OPA3: variants seen among roughly 807,000 people sequenced by gnomAD.
OPA3 encodes outer mitochondrial membrane lipid metabolism regulator OPA3.
A neutral mutation model predicts 4.0 loss-of-function variants in OPA3; 6 were observed. That is an observed-to-expected ratio of 1.51 (90% CI 0.83 to 2.99). The LOEUF (loss-of-function observed/expected upper bound fraction) is 2.99, where lower values mean the gene tolerates loss of function less well. OPA3 is among the 30% of genes most tolerant of loss of function. OPA3 has a pLI of 0.00. For missense variants in OPA3, 235 were observed against 256.2 expected (o/e 0.92, Z 0.56); for synonymous variants, 105 against 117.1 (o/e 0.90, Z 0.67).
At chr19:45,555,429 A>G (rs1270338156) in intron 1 of OPA3, among the ~76,000 whole-genome samples, 3 of 151,278 alleles carry the variant, frequency 2.0e-5, no homozygotes, top group East Asian at 1.9e-4. Flanking sequence ...TCGACCTTCC[A>G]GGCTCAAATG....
chr19:45,572,013 TC>T lies in OPA3; in HGVS notation c.142+12609del, dbSNP rs541503117. ...TAAGCTTAGGTATTTTATATCCACA[TC>T]TGATAATTCCACGTTTGCAGGCTGT... On this transcript the variant is annotated intron_variant, in intron 1 of 1. Coordinates refer to ENST00000263275, the MANE Select transcript of OPA3 (RefSeq NM_025136.4). Among the ~76,000 whole-genome samples, 284 of 151,764 alleles carry T rather than the reference TC, an allele frequency of 1.9e-3. 1 individual carries two copies. The highest frequency in any genetic ancestry group is 6.8e-3 in the African/African-American group (281 of 41,428).
At chr19:45,558,964 A>C (rs1969462303) in intron 1 of OPA3, among the ~76,000 whole-genome samples, 1 of 151,812 alleles carries the variant, frequency 6.6e-6, no homozygotes, top group Non-Finnish European at 1.5e-5. Context: ...GCTCACTGCA[A>C]CCTCTGCCTC....
Position 45,549,898 on chromosome 19 carries a change from C to T in OPA3, c.*3616G>A, listed in dbSNP as rs973056688. The T allele has an allele frequency of 4.1e-6, 4 of 984,376 alleles. No homozygotes were observed. Among genetic ancestry groups the T allele is most frequent in the Admixed American group, 6.2e-5 (1 of 16,246 alleles). 61.0% of individuals were successfully genotyped at this position (984,376 alleles called of 1,614,324 possible). On this transcript the variant is annotated 3_prime_UTR_variant, in exon 2 of 2. Transcript: ENST00000263275. ...TCAGGCCAGGCGCGGTGGCTCACGC[C>T]TGTAATCCCAGCACTTTGGGAGGCC... is the stretch of plus-strand genomic sequence containing the variant.
intron 1 of OPA3, among the ~76,000 whole-genome samples, chr19:45,577,894 G>T (rs1027943406): frequency 6.6e-6 from 1 of 152,176 alleles, no homozygotes; most frequent in Non-Finnish European, 1.5e-5. Context: ...AAAAACAAGG[G>T]CAGGGATACT....
At position 45,550,444 on chromosome 19, in the gene OPA3, C is replaced by T; in HGVS notation, c.*3070G>A. On this transcript the variant is annotated 3_prime_UTR_variant, in exon 2 of 2. Transcript: ENST00000263275. ...GAGGGTCTCCCACTATCAACGCCAC[C>T]TCTGGGATGGTCTGGGCCTCTGTGT... 2.0e-6 allele frequency: 2 copies of T among 986,020 alleles called. No individual in the cohort carries two copies. The highest frequency in any genetic ancestry group is 2.4e-6 in the Non-Finnish European group (2 of 830,436). The allele number at this position is 986,020 out of a possible 1,614,324, so 61.1% of individuals were successfully genotyped here. A position where few individuals can be genotyped will look rare whatever the true frequency, so the allele number is the denominator to read the frequency against.
At chr19:45,532,500 C>T (rs552528878) in intron 1 of OPA3, among the ~76,000 whole-genome samples, 1 of 152,182 alleles carries the variant, frequency 6.6e-6, no homozygotes, top group Non-Finnish European at 1.5e-5. Flanking sequence ...CTGTTGCCTC[C>T]TCTCCATTTT....
At chr19:45,535,130 T>C (rs186994016) in intron 1 of OPA3, among the ~76,000 whole-genome samples, 47 of 152,312 alleles carry the variant, frequency 3.1e-4, no homozygotes, top group African/African-American at 1.1e-3. Context: ...GTCAATGCAA[T>C]CCATGAACAT....
downstream of OPA3, among the ~76,000 whole-genome samples, chr19:45,545,396 G>C (rs993936679): frequency 1.3e-5 from 2 of 151,648 alleles, no homozygotes; most frequent in Non-Finnish European, 2.9e-5. Context: ...TGAGTGTAGT[G>C]GTGGCACACC....
intron 1 of OPA3, among the ~76,000 whole-genome samples, chr19:45,583,957 G>A (rs1289559344): frequency 6.6e-6 from 1 of 152,178 alleles, no homozygotes; most frequent in African/African-American, 2.4e-5. Flanking sequence ...ATCTCCCAGT[G>A]CTGAGCAAAA....
Position 45,548,353 on chromosome 19 carries a change from G to A in OPA3, c.*5161C>T. On this transcript the variant is annotated 3_prime_UTR_variant, in exon 2 of 2. Transcript: ENST00000263275. ...TGCCCTACAGAGAAACCAACAAGAG[G>A]GACAGCAGGGCCTGCCAGGAGATGG... 8 of 985,554 alleles carry A rather than the reference G, an allele frequency of 8.1e-6. No individual in the cohort carries two copies. Among genetic ancestry groups the A allele is most frequent in the Non-Finnish European group, 9.6e-6 (8 of 829,998 alleles). The allele number at this position is 985,554 out of a possible 1,614,324, so 61.1% of individuals were successfully genotyped here. A position where few individuals can be genotyped will look rare whatever the true frequency, so the allele number is the denominator to read the frequency against.
chr19:45,534,719 G>A (rs959752005), intron 1 of OPA3, among the ~76,000 whole-genome samples: 3 of 151,110 alleles, frequency 2.0e-5, no homozygotes, highest in Admixed American at 6.6e-5. Flanking sequence ...CACAACCTCC[G>A]CCTCCCAGGT....
chr19:45,529,097 G>A, exon 2 of OPA3: 2 of 1,601,252 alleles, frequency 1.2e-6, no homozygotes, highest in South Asian at 2.2e-5. Flanking sequence ...GCAGGCGGCG[G>A]GTCTCGGAGG....
chr19:45,538,285 G>T (rs1969145183), intron 1 of OPA3, among the ~76,000 whole-genome samples: 1 of 152,230 alleles, frequency 6.6e-6, no homozygotes, highest in African/African-American at 2.4e-5. Flanking sequence ...GCTGGGTGTG[G>T]TGGTGTATGC....
At chr19:45,567,354 AAAAAG>A (rs1969598443) in intron 1 of OPA3, among the ~76,000 whole-genome samples, 1 of 151,786 alleles carries the variant, frequency 6.6e-6, no homozygotes, top group African/African-American at 2.4e-5. Context: ...AAAAAAAAAA[AAAAAG>A]AAGAAGAAGA....
intron 1 of OPA3, among the ~76,000 whole-genome samples, chr19:45,564,225 C>T (rs1202883366): frequency 1.3e-5 from 2 of 151,924 alleles, no homozygotes; most frequent in African/African-American, 4.8e-5. Context: ...CAATGCAAGC[C>T]TTGAGGCGGG....
chr19:45,574,138 A>G (rs1437763499), intron 1 of OPA3, among the ~76,000 whole-genome samples: 1 of 151,694 alleles, frequency 6.6e-6, no homozygotes, highest in Non-Finnish European at 1.5e-5. Flanking sequence ...TCACGCCTGT[A>G]ATCCCAGCAC....
Position 45,549,744 on chromosome 19 carries a change from T to G in OPA3, c.*3770A>C, listed in dbSNP as rs1350450399. On this transcript the variant is annotated 3_prime_UTR_variant, in exon 2 of 2. Transcript: ENST00000263275. ...ATCAGTCCACCTTGGCCTCTCAAAG[T>G]GCTGGGATGACAGGCGTGAGCTGGC... 4.1e-6 allele frequency: 4 copies of G among 984,898 alleles called. No individual in the cohort carries two copies. The highest frequency in any genetic ancestry group is 4.8e-6 in the Non-Finnish European group (4 of 829,644). The allele number at this position is 984,898 out of a possible 1,614,324, so 61.0% of individuals were successfully genotyped here.
chr19:45,548,461 AGGATTCC>A lies in OPA3; in HGVS notation c.*5046_*5052del. ...TATAGTCCTGAGTCACTCCAGAGGG[AGGATTCC>A]GGATTCAGCCCAGCCCCTGCTTCCT... On this transcript the variant is annotated 3_prime_UTR_variant, in exon 2 of 2. Transcript: ENST00000263275. The A allele has an allele frequency of 7.1e-6, 7 of 985,440 alleles. No homozygotes were observed. Among genetic ancestry groups the A allele is most frequent in the Non-Finnish European group, 7.2e-6 (6 of 829,946 alleles). 61.0% of individuals were successfully genotyped at this position (985,440 alleles called of 1,614,324 possible). A position where few individuals can be genotyped will look rare whatever the true frequency, so the allele number is the denominator to read the frequency against.
chr19:45,557,271 C>T (rs1439972451), intron 1 of OPA3, among the ~76,000 whole-genome samples: 3 of 152,028 alleles, frequency 2.0e-5, no homozygotes, highest in Non-Finnish European at 4.4e-5. Flanking sequence ...TGTGTGTGCA[C>T]GCGTGTGTGC....
Sources: gnomAD v4.1 joint callset for allele counts (sites outside exome capture counted in the v4.1 genomes callset) on GRCh38, gnomAD v4.1.1 for gene constraint, MANE v1.5 for transcripts, NCBI Gene and HGNC (gene_info 2026-07-23, HGNC 2026-07-21) for gene names.